FSTL1: variants seen among roughly 807,000 people sequenced by gnomAD.
FSTL1 encodes follistatin like 1.
Under a neutral mutation model 45.9 loss-of-function variants are expected in FSTL1, and 24 were observed. That is an observed-to-expected ratio of 0.52 (90% CI 0.38 to 0.74). FSTL1 has a LOEUF of 0.74. Among genes scored for constraint, FSTL1 ranks in the 30% least tolerant of loss-of-function variants. FSTL1 has a pLI of 0.00. For missense variants in FSTL1, 340 were observed against 381.8 expected (o/e 0.89, Z 0.91); for synonymous variants, 120 against 137.6 (o/e 0.87, Z 0.89).
intron 6 of FSTL1, among the ~76,000 whole-genome samples, chr3:120,405,460 T>G (rs3755558): frequency 0.24 from 36,124 of 152,172 alleles, 5,478 homozygotes; most frequent in Non-Finnish European, 0.35. Context: ...AATTATAGGA[T>G]TCCAAATCTT....
In FSTL1 at chr3:120,447,396, T is replaced by C. The variant is rs4676784; in HGVS notation, c.63+3288A>G. On this transcript the variant is annotated intron_variant, in intron 2 of 10. Transcript: ENST00000295633. ...TGCCTAGTCCATTCACATGTTAATC[T>C]ACACACATCTAGAGACATATGCTAC... Among the ~76,000 whole-genome samples the C allele has an allele frequency of 9.5e-3, 1,443 of 152,270 alleles. 24 individuals are homozygous for C. Among genetic ancestry groups the C allele is most frequent in the South Asian group, 0.067 (321 of 4,820 alleles).
chr3:120,406,034 A>G (rs2107652411), intron 6 of FSTL1, among the ~76,000 whole-genome samples: 1 of 152,244 alleles, frequency 6.6e-6, no homozygotes, highest in East Asian at 1.9e-4. Context: ...ATTTCTAGAT[A>G]GAAGGGGAAG....
At chr3:120,412,754 C>A (rs777640888) in intron 3 of FSTL1, among the ~76,000 whole-genome samples, 12 of 151,776 alleles carry the variant, frequency 7.9e-5, no homozygotes, top group Non-Finnish European at 1.3e-4. Context: ...TGACACAAAA[C>A]AGCCAGAGCT....
At chr3:120,429,412 TA>T (rs2107665360) in intron 2 of FSTL1, among the ~76,000 whole-genome samples, 1 of 152,368 alleles carries the variant, frequency 6.6e-6, no homozygotes, top group African/African-American at 2.4e-5. Flanking sequence ...ATTTGAGAGT[TA>T]AAGGAAACCT....
intron 2 of FSTL1, among the ~76,000 whole-genome samples, chr3:120,417,363 G>A (rs908303222): frequency 6.6e-6 from 1 of 152,208 alleles, no homozygotes; most frequent in Non-Finnish European, 1.5e-5. Context: ...GCCACCCAGA[G>A]GCTGCTCTGC....
At chr3:120,412,843 C>T (rs1937098565) in intron 3 of FSTL1, among the ~76,000 whole-genome samples, 1 of 128,472 alleles carries the variant, frequency 7.8e-6, no homozygotes, top group African/African-American at 3.0e-5. Flanking sequence ...CGCGCGCACA[C>T]ACACACACAC....
chr3:120,410,311 A>G (rs908464825), intron 5 of FSTL1: 3 of 170,834 alleles, frequency 1.8e-5, no homozygotes, highest in Admixed American at 1.7e-4. Flanking sequence ...CTGGAAGACA[A>G]CACATGCTGT....
intron 2 of FSTL1, among the ~76,000 whole-genome samples, chr3:120,427,058 A>G (rs557520788): frequency 4.1e-4 from 62 of 152,302 alleles, no homozygotes; most frequent in African/African-American, 1.4e-3. Context: ...CATGATGAGG[A>G]ATTGTCAGAT....
intron 3 of FSTL1, 23 bp from the exon 4 acceptor site, chr3:120,412,006 T>C (rs777485676): frequency 6.2e-7 from 1 of 1,602,456 alleles, no homozygotes; most frequent in Non-Finnish European, 8.5e-7. Context: ...CAAAAGAGAA[T>C]GTTTGTGCAG....
At chr3:120,446,146 A>T (rs1295560414) in intron 2 of FSTL1, among the ~76,000 whole-genome samples, 1 of 152,240 alleles carries the variant, frequency 6.6e-6, no homozygotes, top group Non-Finnish European at 1.5e-5. Context: ...AAGACAAAGA[A>T]TCCATGACAT....
intron 2 of FSTL1, among the ~76,000 whole-genome samples, chr3:120,436,108 A>C (rs1280751759): frequency 1.0e-5 from 1 of 98,502 alleles, no homozygotes; most frequent in Non-Finnish European, 2.7e-5. Context: ...AAACAAAAAC[A>C]ACCCCAACAT....
chr3:120,445,565 C>T (rs765034797), intron 2 of FSTL1, among the ~76,000 whole-genome samples: 1 of 149,210 alleles, frequency 6.7e-6, no homozygotes, highest in African/African-American at 2.6e-5. Flanking sequence ...TCAGTCTTGT[C>T]GCATGGTGCC....
Position 120,416,030 on chromosome 3 carries a change from A to G in FSTL1, c.64-3T>C. 2 of 1,596,662 alleles carry G rather than the reference A, an allele frequency of 1.3e-6. No homozygotes were observed. Among genetic ancestry groups the G allele is most frequent in the Non-Finnish European group, 1.7e-6 (2 of 1,164,156 alleles). On this transcript the variant is annotated splice_region_variant and splice_polypyrimidine_tract_variant and intron_variant, in intron 2 of 10. Transcript: ENST00000295633. ...TTGGATTTGCTCCTTAGCTCTTCCT[A>G]AAACATACAATCATAAAGGAAACCG...
intron 7 of FSTL1, among the ~76,000 whole-genome samples, chr3:120,403,600 C>G (rs151147496): frequency 6.6e-6 from 1 of 152,156 alleles, no homozygotes; most frequent in African/African-American, 2.4e-5. Flanking sequence ...TGTTCCCCCC[C>G]TTAAGATGAC....
At chr3:120,403,129 A>G in intron 8 of FSTL1, 113 bp downstream of exon 8, 3 of 750,076 alleles carry the variant, frequency 4.0e-6, no homozygotes, top group Non-Finnish European at 4.8e-6. Context: ...GTTTAGAATC[A>G]TGGAAGGGGA....
chr3:120,419,510 T>C (rs905800570), intron 2 of FSTL1: 2 of 152,108 alleles, frequency 1.3e-5, no homozygotes, highest in African/African-American at 2.4e-5. Context: ...AAAGAACACC[T>C]TGAGAGGGGT....
intron 9 of FSTL1, among the ~76,000 whole-genome samples, chr3:120,402,526 C>T (rs958547874): frequency 6.6e-6 from 1 of 151,842 alleles, no homozygotes; most frequent in African/African-American, 2.4e-5. Flanking sequence ...GTTACTATTT[C>T]CATAATGTTA....
chr3:120,437,315 T>C (rs925246097), intron 2 of FSTL1, among the ~76,000 whole-genome samples: 2 of 152,160 alleles, frequency 1.3e-5, no homozygotes, highest in South Asian at 2.1e-4. Context: ...TTTTGGAATA[T>C]GGTAGGGAAT....
intron 2 of FSTL1, among the ~76,000 whole-genome samples, chr3:120,430,004 T>C (rs539724301): frequency 7.9e-5 from 12 of 152,298 alleles, no homozygotes; most frequent in South Asian, 2.1e-4. Flanking sequence ...TTCTTACACA[T>C]TCTTTAACAT....
Sources: gnomAD v4.1 joint callset for allele counts (sites outside exome capture counted in the v4.1 genomes callset) on GRCh38, gnomAD v4.1.1 for gene constraint, MANE v1.5 for transcripts, NCBI Gene and HGNC (gene_info 2026-07-23, HGNC 2026-07-21) for gene names.